Variants in MYH1 observed in about 807,000 individuals in gnomAD.
MYH1 encodes the protein myosin heavy chain 1.
MYH1 carries 214 observed loss-of-function variants against 225.6 expected under a neutral mutation model. That is an observed-to-expected ratio of 0.95 (90% CI 0.85 to 1.06). The LOEUF is 1.06. Ranked by LOEUF, MYH1 falls within the 50% of genes least tolerant of loss-of-function variation. The pLI is 0.00. For missense variants in MYH1, 2,098 were observed against 2,344.2 expected (o/e 0.89, Z 2.17); for synonymous variants, 774 against 842.3 (o/e 0.92, Z 1.40).
rs1403094121 is a variant in MYH1 at position 10,501,441 on chromosome 17, G to C, written c.3407C>G (p.Ala1136Gly). The change falls in exon 27 of 40, where the codon GCA (alanine) becomes GGA (glycine). Residue 1136 changes from alanine to glycine, a missense_variant. Transcript: ENST00000226207. ...GGAGAGATCAGAGCGCTGCTTCTCT[G>C]CTTTGGCCCGGGAGGCCCGCTCTGC... ...IEAERASRAK[A>G]EKQRSDLSRE... 1 of 1,614,230 alleles carries C rather than the reference G, an allele frequency of 6.2e-7. No homozygotes were observed. Among genetic ancestry groups the C allele is most frequent in the Admixed American group, 1.7e-5 (1 of 60,022 alleles).
chr17:10,503,295 C>G (rs748577024), intron 22 of MYH1, 47 bp from the exon 23 acceptor site: 1 of 1,589,652 alleles, frequency 6.3e-7, no homozygotes, highest in Non-Finnish European at 8.5e-7. Context: ...AATTCCTAGA[C>G]ATTTTCAGAT....
chr17:10,498,038 T>G, intron 30 of MYH1, 121 bp from the exon 31 acceptor site: 1 of 985,838 alleles, frequency 1.0e-6, no homozygotes. Context: ...AAGCTTGTTT[T>G]GTAGGTCCAG....
At chr17:10,518,480 A>C (rs2073251538) in intron 1 of MYH1, 40 bp downstream of exon 1, 1 of 152,170 alleles carries the variant, frequency 6.6e-6, no homozygotes. Flanking sequence ...GACATCCCTT[A>C]CCGTCCTCCA....
chr17:10,510,024 T>C (rs1157096801), intron 14 of MYH1, among the ~76,000 whole-genome samples: 2 of 152,026 alleles, frequency 1.3e-5, no homozygotes, highest in Non-Finnish European at 2.9e-5. Context: ...CTGGGGCCTA[T>C]TGGAGGGTGG....
chr17:10,507,307 C>T (rs540872885), intron 17 of MYH1, among the ~76,000 whole-genome samples: 1 of 152,294 alleles, frequency 6.6e-6, no homozygotes, highest in East Asian at 1.9e-4. Flanking sequence ...AAGTGATCTG[C>T]CTGCCTTGGC....
At position 10,512,178 on chromosome 17, in the gene MYH1, C is replaced by T. The variant is rs536197822; in HGVS notation, c.1162G>A (p.Ala388Thr). 1.9e-6 allele frequency: 3 copies of T among 1,614,080 alleles called. No homozygotes were observed. Among genetic ancestry groups the T allele is most frequent in the Middle Eastern group, 3.3e-4 (2 of 6,062 alleles). ...PDGTEVADKA[A>T]YLQNLNSADL... ...GCAGAGTTCAGATTTTGGAGATAGG[C>T]TGCCTTGTCAGCAACTGCAGAAACA... Residue 388 changes from alanine to threonine, a missense_variant, in exon 13 of 40, where the codon GCC becomes ACC. Transcript: ENST00000226207.
Position 10,501,320 on chromosome 17 carries a change from C to G in MYH1, c.3528G>C (p.Gln1176His), listed in dbSNP as rs1342538829. The G allele has an allele frequency of 1.2e-6, 2 of 1,614,216 alleles. No individual in the cohort carries two copies. The highest frequency in any genetic ancestry group is 2.2e-5 in the South Asian group (2 of 91,078). ...CCTCCTCCAGGTCCCTGCGCATTTT[C>G]TGGAACTCAGCCTCCCGCTTCTTGT... ...EMNKKREAEFQKMRRDLEEAT... is the reference protein window; with the variant it reads ...EMNKKREAEFHKMRRDLEEAT... Residue 1176 changes from glutamine to histidine, a missense_variant, in exon 27 of 40, where the codon CAG becomes CAC. Gln to His is a conservative substitution (Grantham distance 24, BLOSUM62 0). Transcript: ENST00000226207.
At chr17:10,495,865 A>C in intron 35 of MYH1, 85 bp downstream of exon 35, 5 of 1,491,304 alleles carry the variant, frequency 3.4e-6, no homozygotes, top group Non-Finnish European at 4.6e-6. Context: ...AATCTTATAA[A>C]TAGATTTCTT....
intron 24 of MYH1, 42 bp from the exon 25 acceptor site, chr17:10,501,953 G>C: frequency 6.4e-7 from 1 of 1,559,010 alleles, no homozygotes. Flanking sequence ...TAGAATGGTA[G>C]CACCTTTTGT....
At position 10,503,162 on chromosome 17, in the gene MYH1, C is replaced by G. The variant is rs773270159; in HGVS notation, c.2778G>C (p.Val926=). ...CTTCCTCATCCTCAGCTCTCTCAGT[C>G]ACCTCTTTGATTTTGGCTTCTAGCT... ...KIQLEAKIKE[V]TERAEDEEEI... The change falls in exon 23 of 40, where the codon GTG becomes GTC. Residue 926 remains valine, a synonymous_variant. Coordinates refer to ENST00000226207, the MANE Select transcript of MYH1 (RefSeq NM_005963.4). 1 of 1,613,894 alleles carries G rather than the reference C, an allele frequency of 6.2e-7. No individual in the cohort carries two copies. Among genetic ancestry groups the G allele is most frequent in the Non-Finnish European group, 8.5e-7 (1 of 1,179,878 alleles).
In MYH1 at chr17:10,500,728, C is replaced by T. The variant is rs142605633; in HGVS notation, c.3763G>A (p.Ala1255Thr). The T allele has an allele frequency of 1.6e-4, 260 of 1,614,014 alleles. No homozygotes were observed. Among genetic ancestry groups the T allele is most frequent in the Middle Eastern group, 1.6e-4 (1 of 6,080 alleles). Residue 1255 changes from alanine (A) to threonine (T), a missense_variant, in exon 28 of 40, where the codon GCT becomes ACT. By Grantham distance (58) the Ala-to-Thr change is moderately conservative. Transcript: ENST00000226207. ...ATTTCACTCAGTTGATCTTCTAGAG[C>T]GCGGCACATCTTTTCAAGGTTTCCC... ...AKGNLEKMCR[A>T]LEDQLSEIKT... is the part of the protein sequence containing the mutation.
rs772308871 is a variant in MYH1, at chr17:10,505,034, G to A, written c.2467C>T (p.Arg823Cys). Residue 823 changes from arginine (R) to cysteine (C), a missense_variant, in exon 22 of 40, where the codon CGT (arginine) becomes TGT (cysteine). Physicochemically the swap from Arg to Cys is radical, Grantham distance 180. Transcript: ENST00000226207. ...ESIFCIQYNV[R>C]AFMNVKHWPW... ...CAGTGCTTCACATTCATGAAGGCAC[G>A]GACATTGTACTGGATGCAGAAGATG... 15 of 1,614,140 alleles carry A rather than the reference G, an allele frequency of 9.3e-6. No individual in the cohort carries two copies. The highest frequency in any genetic ancestry group is 5.0e-5 in the Admixed American group (3 of 60,014).
rs745829180 is a variant in MYH1 at position 10,516,309 on chromosome 17, T to C, written c.238A>G (p.Met80Val). ...VTVKDDQVFP[M>V]NPPKYDKIED... ...ATCTTGTCATATTTGGGAGGGTTCA[T>C]GGGGAAGACTTGGTCATCTTTCACT... Residue 80 changes from methionine (M) to valine (V), a missense_variant, in exon 4 of 40, where the codon ATG (methionine) becomes GTG (valine). Transcript: ENST00000226207. The C allele has an allele frequency of 2.5e-6, 4 of 1,614,206 alleles. No homozygotes were observed. The highest frequency in any genetic ancestry group is 1.6e-4 in the Middle Eastern group (1 of 6,062).
Position 10,499,064 on chromosome 17 carries a change from C to G in MYH1, c.3894G>C (p.Lys1298Asn), listed in dbSNP as rs753380480. 1.5e-5 allele frequency: 25 copies of G among 1,613,824 alleles called. No homozygotes were observed. Among genetic ancestry groups the G allele is most frequent in the Non-Finnish European group, 1.5e-5 (18 of 1,179,904 alleles). ...TCGAGAGCTGTGAAACTAGTGTGTC[C>G]TTTTCATCTAGCTGGCGTGAATATT... ...SGEYSRQLDE[K>N]DTLVSQLSRG... The change falls in exon 29 of 40, where the codon AAG (lysine) becomes AAC (asparagine). Residue 1298 changes from lysine to asparagine, a missense_variant. Transcript: ENST00000226207.
In MYH1 at chr17:10,513,843, C is replaced by G; in HGVS notation, c.719G>C (p.Arg240Thr). 6.2e-7 allele frequency: 1 copy of G among 1,614,136 alleles called. No individual in the cohort carries two copies. Among genetic ancestry groups the G allele is most frequent in the Non-Finnish European group, 8.5e-7 (1 of 1,180,006 alleles). The change falls in exon 8 of 40, where the codon AGG (arginine) becomes ACG (threonine). Residue 240 changes from arginine to threonine, a missense_variant. Arg to Thr is a moderately conservative substitution (Grantham distance 71). Transcript: ENST00000226207. ...LEAFGNAKTVRNDNSSRFGKF... is the reference protein window; with the variant it reads ...LEAFGNAKTVTNDNSSRFGKF... Reference sequence around the variant, plus strand: ...TACAAAGCGAGAGGAGTTGTCATTCCTCACGGTCTTGGCGTTGCCAAAGGC... The same window carrying G: ...TACAAAGCGAGAGGAGTTGTCATTCGTCACGGTCTTGGCGTTGCCAAAGGC...
In MYH1 at chr17:10,497,302, T is replaced by C. The variant is rs1194043224; in HGVS notation, c.4516A>G (p.Asn1506Asp). The C allele has an allele frequency of 3.1e-6, 5 of 1,601,154 alleles. No individual in the cohort carries two copies. The Admixed American group carries it at 8.8e-5, about 28-fold the overall frequency. The change falls in exon 32 of 40, where the codon AAT becomes GAT. Residue 1506 changes from asparagine to aspartate, a missense_variant. Physicochemically the swap from Asn to Asp is conservative, Grantham distance 23. Coordinates refer to ENST00000226207, the MANE Select transcript of MYH1 (RefSeq NM_005963.4). ...ATGTTCTCACGTTGCAAATTCTTAT[T>C]TTCCCGTTTCAAGGTTTCAAGTTGG... Reference protein sequence around the residue: ...LDQLETLKRENKNLQQEISDL... With the variant: ...LDQLETLKREDKNLQQEISDL...
rs756108210 is a variant in MYH1, at chr17:10,501,879, GA to G, written c.3143del (p.Ile1048ThrfsTer5). The G allele has an allele frequency of 1.2e-6, 2 of 1,608,348 alleles. No individual in the cohort carries two copies. The highest frequency in any genetic ancestry group is 1.7e-6 in the Non-Finnish European group (2 of 1,178,724). ...LEGSLEQEKK[I>X]RMDLERAKRK... is the part of the protein sequence containing the mutation. ...TCTTTGCTCTTTCTAGATCCATCCG[GA>G]TTTTCTTTTCTTGTTCCAAAGATCC... On this transcript the variant is annotated frameshift_variant, in exon 25 of 40. Coordinates refer to ENST00000226207, the MANE Select transcript of MYH1 (RefSeq NM_005963.4). LOFTEE classifies it high-confidence loss of function.
intron 14 of MYH1, among the ~76,000 whole-genome samples, chr17:10,510,363 C>T (rs987335385): frequency 3.9e-5 from 6 of 152,110 alleles, no homozygotes; most frequent in Non-Finnish European, 5.9e-5. Context: ...GTATAAGTTA[C>T]TGCATTTAAT....
intron 18 of MYH1, 32 bp downstream of exon 18, chr17:10,505,980 T>C (rs1597439699): frequency 6.2e-7 from 1 of 1,614,044 alleles, no homozygotes; most frequent in Non-Finnish European, 8.5e-7. Flanking sequence ...ACACACACAC[T>C]GGAGCTTGTC....
Sources: allele counts gnomAD v4.1 joint callset (sites outside exome capture counted in the v4.1 genomes callset), GRCh38; gene constraint gnomAD v4.1.1; transcripts MANE v1.5; gene names NCBI Gene and HGNC (gene_info 2026-07-23, HGNC 2026-07-21).